The following GON4L variants were observed in gnomAD, a reference collection of about 807,000 sequenced individuals.
GON4L encodes the protein gon-4 like.
In GON4L, 87 loss-of-function variants were observed where a neutral mutation model predicts 211.8. The observed-to-expected ratio is 0.41, with a 90% CI of 0.35 to 0.49. The LOEUF (loss-of-function observed/expected upper bound fraction) is 0.49, where lower values mean the gene tolerates loss of function less well. Among genes scored for constraint, GON4L ranks in the 20% least tolerant of loss-of-function variants. The pLI is 0.15. For missense variants in GON4L, 2,155 were observed against 2,659.5 expected (o/e 0.81, Z 4.17); for synonymous variants, 875 against 962.6 (o/e 0.91, Z 1.68).
In GON4L at chr1:155,806,858, T is replaced by C. The variant is rs984044293; in HGVS notation, c.1453-1717A>G. ...TGGCTCACACCTGCAATCCCAACACTGTGGGAGGCCCAGGAAGAACTGCTT... is the reference window on the plus strand; with the variant it reads ...TGGCTCACACCTGCAATCCCAACACCGTGGGAGGCCCAGGAAGAACTGCTT... On this transcript the variant is annotated intron_variant, in intron 10 of 31. Coordinates refer to ENST00000368331, the MANE Select transcript of GON4L (RefSeq NM_001282860.2). Among the ~76,000 whole-genome samples the C allele has an allele frequency of 3.3e-5, 5 of 152,224 alleles. No homozygotes were observed. The East Asian group carries it at 9.7e-4, about 29-fold the overall frequency.
At chr1:155,799,187 C>T (rs1042378214) in intron 11 of GON4L, among the ~76,000 whole-genome samples, 14 of 152,192 alleles carry the variant, frequency 9.2e-5, no homozygotes, top group African/African-American at 3.4e-4. Context: ...GTAATCCCAG[C>T]ACTTTAGGAG....
At chr1:155,774,748 C>G (rs1663601795) in intron 17 of GON4L, 1 of 575,792 alleles carries the variant, frequency 1.7e-6, no homozygotes, top group Non-Finnish European at 3.1e-6. Context: ...ATTCTTAGCA[C>G]TGAGCCTCAG....
chr1:155,799,767 C>T (rs1666452319), intron 11 of GON4L, among the ~76,000 whole-genome samples: 1 of 152,168 alleles, frequency 6.6e-6, no homozygotes. Context: ...GCCTTTCCTT[C>T]CCAATAGCTA....
chr1:155,793,617 AT>A (rs538267329), intron 12 of GON4L, among the ~76,000 whole-genome samples: 8 of 151,598 alleles, frequency 5.3e-5, no homozygotes, highest in Non-Finnish European at 2.9e-5. Context: ...CAATGATATA[AT>A]TTTTTTTTGA....
At chr1:155,764,398 C>A (rs556580354) in intron 21 of GON4L, 8 of 174,542 alleles carry the variant, frequency 4.6e-5, no homozygotes, top group Non-Finnish European at 7.2e-5. Context: ...GATTTATAGG[C>A]GTGAGCCACC....
rs919287733 is a variant in GON4L, at chr1:155,766,040, A to G, written c.3433T>C (p.Phe1145Leu). ...PVIHHPASVIFTVPATTVKIV... is the reference protein window; with the variant it reads ...PVIHHPASVILTVPATTVKIV... ...TTCACAGTGGTAGCAGGAACAGTGA[A>G]GATAACAGATGCAGGGTGGTGGATA... Residue 1145 changes from phenylalanine to leucine, a missense_variant, in exon 21 of 32, where the codon TTC (phenylalanine) becomes CTC (leucine). Phe to Leu is a conservative substitution (Grantham distance 22). This residue lies in a region of GON4L where 615 missense variants were observed against 625.7 expected (regional missense o/e 0.98). Transcript: ENST00000368331. 1.1e-5 allele frequency: 17 copies of G among 1,614,070 alleles called. No homozygotes were observed. The highest frequency in any genetic ancestry group is 5.0e-5 in the Admixed American group (3 of 60,004).
At position 155,754,398 on chromosome 1, in the gene GON4L, T is replaced by A. The variant is rs764179191; in HGVS notation, c.5608A>T (p.Ser1870Cys). The change falls in exon 28 of 32, where the codon AGC becomes TGC. Residue 1870 changes from serine (S) to cysteine (C), a missense_variant. Physicochemically the swap from Ser to Cys is moderately radical, Grantham distance 112. Around this residue, in one of 6 missense-constraint regions of GON4L, gnomAD observed 455 missense variants for 504.6 expected, o/e 0.90. Coordinates refer to ENST00000368331, the MANE Select transcript of GON4L (RefSeq NM_001282860.2). ...DSKLKKSKRR[S>C]CSHCSSKVCD... The stretch of plus-strand genomic sequence containing the variant: ...ACCTTGCTGCTACAGTGGCTACAGC[T>A]CCGCCTTTTGCTCTTCTTCAGCTTG... 2 of 1,611,316 alleles carry A rather than the reference T, an allele frequency of 1.2e-6. No homozygotes were observed. The highest frequency in any genetic ancestry group is 3.3e-5 in the Admixed American group (2 of 59,986).
rs1228755341 is a variant in GON4L, at chr1:155,826,823, AAAAG to A, written c.697+10_697+13del. The A allele has an allele frequency of 1.3e-6, 2 of 1,568,614 alleles. No homozygotes were observed. The highest frequency in any genetic ancestry group is 2.2e-5 in the South Asian group (2 of 90,082). ...AAGAGGTTTCATTTAATTAAAAAGAAAAAGAAAGCCTACCCATTGGAATGAAGAG... is the reference window on the plus strand; with the variant it reads ...AAGAGGTTTCATTTAATTAAAAAGAAAAAGCCTACCCATTGGAATGAAGAG... On this transcript the variant is annotated intron_variant, in intron 3 of 31. Transcript: ENST00000368331.
At position 155,852,887 on chromosome 1, in the gene GON4L, CG is replaced by C. The variant is rs527381982; in HGVS notation, c.505+388del. 3.9e-5 allele frequency among the ~76,000 whole-genome samples: 6 copies of C among 152,290 alleles called. No homozygotes were observed. In the South Asian group the frequency reaches 1.2e-3, roughly 32 times the overall value. Reference sequence around the variant, plus strand: ...CAGCACTTTGGGAGGCCAAGGCAAACGTATCACCTGAGGTCAGGAGTTCGAG... The same window carrying C: ...CAGCACTTTGGGAGGCCAAGGCAAACTATCACCTGAGGTCAGGAGTTCGAG... On this transcript the variant is annotated intron_variant, in intron 2 of 31. Transcript: ENST00000368331.
chr1:155,822,218 G>C (rs933321045), intron 4 of GON4L, 68 bp downstream of exon 4: 13 of 1,327,094 alleles, frequency 9.8e-6, no homozygotes, highest in African/African-American at 4.3e-5. Flanking sequence ...AGAATTTGCT[G>C]AACATTTTTA....
chr1:155,807,356 C>G (rs1419185272), intron 10 of GON4L, among the ~76,000 whole-genome samples: 1 of 152,038 alleles, frequency 6.6e-6, no homozygotes, highest in African/African-American at 2.4e-5. Context: ...AAGCTGAGAT[C>G]ATACCACTGC....
rs1672016384 is a variant in GON4L at position 155,853,658 on chromosome 1, G to A, written c.123C>T (p.Asp41=). 1 of 1,613,954 alleles carries A rather than the reference G, an allele frequency of 6.2e-7. No individual in the cohort carries two copies. The highest frequency in any genetic ancestry group is 8.5e-7 in the Non-Finnish European group (1 of 1,179,802). ...CCCAGGATAGTGACACCGAACTCAAGTCCTTAACCTGGTCAGATTCTGGTT... is the reference window on the plus strand; with the variant it reads ...CCCAGGATAGTGACACCGAACTCAAATCCTTAACCTGGTCAGATTCTGGTT... ...AVKPESDQVK[D]LSSVSLSWDP... is the part of the protein sequence containing the mutation. The change falls in exon 2 of 32, where the codon GAC becomes GAT. Residue 41 remains aspartate, a synonymous_variant. Transcript: ENST00000368331.
At chr1:155,854,146 T>TTTTTTG (rs946359709) in intron 1 of GON4L, among the ~76,000 whole-genome samples, 5 of 152,122 alleles carry the variant, frequency 3.3e-5, no homozygotes, top group African/African-American at 9.7e-5. Context: ...ATTTTTGTGT[T>TTTTTTG]TTTTTGTTTT....
chr1:155,766,000 C>T lies in GON4L; in HGVS notation c.3473G>A (p.Gly1158Asp). 1 of 1,614,124 alleles carries T rather than the reference C, an allele frequency of 6.2e-7. No homozygotes were observed. The highest frequency in any genetic ancestry group is 8.5e-7 in the Non-Finnish European group (1 of 1,180,022). Residue 1158 changes from glycine (G) to aspartate (D), a missense_variant, in exon 21 of 32, where the codon GGC becomes GAC. Coordinates refer to ENST00000368331, the MANE Select transcript of GON4L (RefSeq NM_001282860.2). ...PATTVKIVSL[G>D]GGCNMIQPVN... Reference sequence around the variant, plus strand: ...AGGCTGGATCATGTTACAGCCACCGCCAAGGCTCACAATCTTCACAGTGGT... The same window carrying T: ...AGGCTGGATCATGTTACAGCCACCGTCAAGGCTCACAATCTTCACAGTGGT...
At chr1:155,760,857 C>T (rs1661711194) in intron 23 of GON4L, among the ~76,000 whole-genome samples, 1 of 152,178 alleles carries the variant, frequency 6.6e-6, no homozygotes, top group Non-Finnish European at 1.5e-5. Context: ...AGTGAAAAAT[C>T]ATCTTCCACG....
At chr1:155,797,557 C>A (rs143995932) in intron 11 of GON4L, among the ~76,000 whole-genome samples, 1 of 151,246 alleles carries the variant, frequency 6.6e-6, no homozygotes, top group East Asian at 2.0e-4. Flanking sequence ...ACATATACAG[C>A]CTGGGGCCAA....
rs1050526164 is a variant in GON4L at position 155,786,980 on chromosome 1, G to A, written c.1748-1606C>T. On this transcript the variant is annotated intron_variant, in intron 12 of 31. Coordinates refer to ENST00000368331, the MANE Select transcript of GON4L (RefSeq NM_001282860.2). ...TCTGTCGCCCAGGCTGGAGTGCAGT[G>A]GCGCGATCTCAGCTCACTGCAAGCT... 1.9e-3 allele frequency among the ~76,000 whole-genome samples: 284 copies of A among 147,518 alleles called. 1 individual carries two copies. The highest frequency in any genetic ancestry group is 1.8e-3 in the Non-Finnish European group (123 of 67,880).
At chr1:155,766,767 T>C (rs1662539181) in intron 20 of GON4L, 58 bp from the exon 21 acceptor site, 1 of 1,608,380 alleles carries the variant, frequency 6.2e-7, no homozygotes, top group Non-Finnish European at 8.5e-7. Flanking sequence ...AAAAAGAGGC[T>C]TGGCACAGTG....
chr1:155,780,377 A>T (rs992088373), intron 14 of GON4L, among the ~76,000 whole-genome samples: 2 of 151,850 alleles, frequency 1.3e-5, no homozygotes, highest in African/African-American at 4.8e-5. Flanking sequence ...GGATCACTTT[A>T]GGTCAGTGGT....
Sources: gnomAD v4.1 joint callset for allele counts (sites outside exome capture counted in the v4.1 genomes callset) on GRCh38, gnomAD v4.1.1 for gene constraint, gnomAD v4.1.1 regional missense constraint, MANE v1.5 for transcripts, NCBI Gene and HGNC (gene_info 2026-07-23, HGNC 2026-07-21) for gene names.